Variants in LRRN2 observed in about 807,000 individuals in gnomAD.
LRRN2 encodes leucine rich repeat neuronal 2.
In LRRN2, 10 loss-of-function variants were observed where a neutral mutation model predicts 35.7. The ratio of observed to expected loss-of-function variants is 0.28; its 90% CI spans 0.17 to 0.47. The LOEUF is 0.47. Among genes scored for constraint, LRRN2 ranks in the 20% least tolerant of loss-of-function variants. LRRN2 has a pLI of 0.99. For missense variants in LRRN2, 731 were observed against 940.3 expected (o/e 0.78, Z 2.91); for synonymous variants, 391 against 409.6 (o/e 0.95, Z 0.55).
chr1:204,655,933 G>A (rs551435624), intron 1 of LRRN2, among the ~76,000 whole-genome samples: 33 of 151,784 alleles, frequency 2.2e-4, no homozygotes, highest in South Asian at 1.0e-3. Flanking sequence ...TTTTTGAGAC[G>A]GAGTCTCGCT....
rs762705446 is a variant in LRRN2 at position 204,660,577 on chromosome 1, A to ACT, written c.-227+24742_-227+24743insAG. On this transcript the variant is annotated intron_variant, in intron 1 of 1. Coordinates refer to ENST00000367177, the MANE Select transcript of LRRN2 (RefSeq NM_201630.2). ...GACACACACACACACACACACACAC[A>ACT]CACTCTCTCTCTCTCTCTCTCTCTC... 6.8e-5 allele frequency among the ~76,000 whole-genome samples: 10 copies of ACT among 147,234 alleles called. No individual in the cohort carries two copies. The East Asian group carries it at 1.2e-3, about 18-fold the overall frequency.
intron 1 of LRRN2, among the ~76,000 whole-genome samples, chr1:204,651,165 A>G (rs2772243): frequency 0.82 from 124,849 of 152,122 alleles, 53,176 homozygotes; most frequent in East Asian, 0.97. Context: ...GGAAGGCACC[A>G]TCTAGGAGCC....
intron 1 of LRRN2, among the ~76,000 whole-genome samples, chr1:204,652,264 CCCCCCCG>C (rs1553348482): frequency 9.5e-5 from 1 of 10,544 alleles, no homozygotes; most frequent in African/African-American, 2.1e-4. Flanking sequence ...TTCACCGCCC[CCCCCCCG>C]CCCCCCCGCC....
intron 1 of LRRN2, among the ~76,000 whole-genome samples, chr1:204,632,353 G>A (rs184860960): frequency 4.5e-4 from 69 of 152,226 alleles, no homozygotes; most frequent in Non-Finnish European, 7.9e-4. Context: ...CATATTGGCC[G>A]GGTGTGGTGG....
chr1:204,630,889 T>C (rs1005596243), intron 1 of LRRN2, among the ~76,000 whole-genome samples: 1 of 152,124 alleles, frequency 6.6e-6, no homozygotes, highest in Non-Finnish European at 1.5e-5. Context: ...GGGACAGGAC[T>C]GGCTCTACTC....
chr1:204,623,261 A>G (rs1558399367), intron 1 of LRRN2, among the ~76,000 whole-genome samples: 2 of 152,138 alleles, frequency 1.3e-5, no homozygotes. Context: ...ACTTGGTTCT[A>G]AGCGCTGAGT....
chr1:204,656,767 T>A (rs144378445), intron 1 of LRRN2, among the ~76,000 whole-genome samples: 1 of 152,356 alleles, frequency 6.6e-6, no homozygotes, highest in African/African-American at 2.4e-5. Context: ...CCTGTCTTTT[T>A]CTTCCTGGCT....
At chr1:204,625,725 G>C (rs908491561) in intron 1 of LRRN2, among the ~76,000 whole-genome samples, 2 of 152,156 alleles carry the variant, frequency 1.3e-5, no homozygotes, top group African/African-American at 4.8e-5. Flanking sequence ...TTGGGACCAG[G>C]GTCTTTGGAA....
Position 204,618,855 on chromosome 1 carries a change from C to T in LRRN2, c.1138G>A (p.Ala380Thr). 6.2e-7 allele frequency: 1 copy of T among 1,614,142 alleles called. No homozygotes were observed. The highest frequency in any genetic ancestry group is 1.3e-5 in the African/African-American group (1 of 75,048). The change falls in exon 2 of 2, where the codon GCC becomes ACC. Residue 380 changes from alanine to threonine, a missense_variant. Physicochemically the swap from Ala to Thr is moderately conservative, Grantham distance 58. Coordinates refer to ENST00000367177, the MANE Select transcript of LRRN2 (RefSeq NM_201630.2). ...PIRCDCVIRW[A>T]NATGTRVRFI... ...CGGACACGGGTGCCCGTGGCATTGG[C>T]CCAGCGGATGACACAGTCACAGCGG... is the stretch of plus-strand genomic sequence containing the variant.
intron 1 of LRRN2, among the ~76,000 whole-genome samples, chr1:204,655,234 T>G (rs1432656339): frequency 6.6e-6 from 1 of 152,234 alleles, no homozygotes; most frequent in African/African-American, 2.4e-5. Context: ...TGCTAAAACC[T>G]TGATGGCATC....
intron 1 of LRRN2, chr1:204,620,995 C>T (rs990702560): frequency 6.0e-6 from 1 of 166,920 alleles, no homozygotes; most frequent in Non-Finnish European, 1.5e-5. Flanking sequence ...GATGGGCTCC[C>T]CAGGACCCTA....
chr1:204,653,883 C>A (rs1668287449), intron 1 of LRRN2, among the ~76,000 whole-genome samples: 2 of 144,324 alleles, frequency 1.4e-5, no homozygotes, highest in African/African-American at 2.6e-5. Context: ...AAAAGAAAAA[C>A]TATTTAGCTG....
intron 1 of LRRN2, among the ~76,000 whole-genome samples, chr1:204,658,810 C>T (rs534663332): frequency 1.3e-5 from 2 of 152,346 alleles, no homozygotes; most frequent in East Asian, 3.9e-4. Context: ...TATTCGCTTT[C>T]ATCTCCTCCC....
intron 1 of LRRN2, among the ~76,000 whole-genome samples, chr1:204,672,500 G>A (rs16854105): frequency 0.021 from 3,147 of 152,296 alleles, 120 homozygotes; most frequent in African/African-American, 0.071. Context: ...AATGAGGACA[G>A]TGAGAAAGCA....
At chr1:204,680,581 T>C (rs779069711) in intron 1 of LRRN2, among the ~76,000 whole-genome samples, 4 of 152,218 alleles carry the variant, frequency 2.6e-5, no homozygotes, top group Admixed American at 1.3e-4. Context: ...CAGAGTCTGC[T>C]TGATGCGGGC....
At chr1:204,634,127 C>T (rs1160507093) in intron 1 of LRRN2, among the ~76,000 whole-genome samples, 4 of 152,208 alleles carry the variant, frequency 2.6e-5, no homozygotes, top group Admixed American at 2.0e-4. Flanking sequence ...TAAGAGCAAG[C>T]CTTAATGATT....
At chr1:204,663,792 T>G (rs932553073) in intron 1 of LRRN2, 1 of 152,010 alleles carries the variant, frequency 6.6e-6, no homozygotes, top group African/African-American at 2.4e-5. Flanking sequence ...CAGGATGCAG[T>G]CCTCCACAGG....
chr1:204,630,488 A>T (rs1347784753), intron 1 of LRRN2, among the ~76,000 whole-genome samples: 2 of 152,148 alleles, frequency 1.3e-5, no homozygotes, highest in African/African-American at 4.8e-5. Context: ...GACTCATTTC[A>T]TCAGCGGGTT....
At chr1:204,639,126 C>T (rs1183571458) in intron 1 of LRRN2, among the ~76,000 whole-genome samples, 1 of 152,218 alleles carries the variant, frequency 6.6e-6, no homozygotes, top group African/African-American at 2.4e-5. Context: ...AGCTGGTCAG[C>T]CTGGCTTGAT....
Sources: gnomAD v4.1 joint callset for allele counts (sites outside exome capture counted in the v4.1 genomes callset) on GRCh38, gnomAD v4.1.1 for gene constraint, MANE v1.5 for transcripts, NCBI Gene and HGNC (gene_info 2026-07-23, HGNC 2026-07-21) for gene names.